Variants in SYT1 observed in about 807,000 individuals in gnomAD.
SYT1 encodes synaptotagmin 1.
In SYT1, 8 loss-of-function variants were observed where a neutral mutation model predicts 44.8. The observed-to-expected ratio is 0.18, with a 90% CI of 0.10 to 0.32. The LOEUF is 0.32. Ranked by LOEUF, SYT1 falls within the 10% of genes least tolerant of loss-of-function variation. The pLI is 1.00. For synonymous variants in SYT1, 154 were observed against 188.8 expected, an observed-to-expected ratio of 0.82 and a Z score of 1.51; for missense variants, 286 against 509.3, an observed-to-expected ratio of 0.56 and a Z score of 4.22.
intron 1 of SYT1, among the ~76,000 whole-genome samples, chr12:78,931,320 G>GA (rs1416998056): frequency 8.0e-4 from 17 of 21,332 alleles, no homozygotes; most frequent in Admixed American, 2.3e-3. Flanking sequence ...AGGGAGGGAG[G>GA]GAGGGAGGGA....
intron 3 of SYT1, among the ~76,000 whole-genome samples, chr12:79,123,378 A>G (rs1430845546): frequency 6.7e-6 from 1 of 149,708 alleles, no homozygotes; most frequent in African/African-American, 2.5e-5. Flanking sequence ...GAAATCAGGT[A>G]AGCAAGTCAC....
chr12:78,908,949 T>C (rs914756663), intron 1 of SYT1, among the ~76,000 whole-genome samples: 7 of 151,986 alleles, frequency 4.6e-5, no homozygotes, highest in Admixed American at 4.6e-4. Context: ...TATTAATATA[T>C]AATTAAGGCA....
intron 1 of SYT1, among the ~76,000 whole-genome samples, chr12:78,877,369 C>T (rs1403649044): frequency 2.0e-5 from 3 of 151,572 alleles, no homozygotes; most frequent in East Asian, 2.0e-4. Flanking sequence ...ATTCCGTTAC[C>T]TCCCACTCTG....
chr12:79,408,733 T>C (rs957853291), intron 9 of SYT1, among the ~76,000 whole-genome samples: 7 of 151,686 alleles, frequency 4.6e-5, no homozygotes, highest in Non-Finnish European at 7.4e-5. Context: ...TTCTTTCTTT[T>C]TTTTTTTTTT....
At chr12:79,282,560 A>G (rs1326241678) in intron 4 of SYT1, among the ~76,000 whole-genome samples, 1 of 152,150 alleles carries the variant, frequency 6.6e-6, no homozygotes, top group Non-Finnish European at 1.5e-5. Context: ...CAGTATTTTG[A>G]TGAGACTATT....
Position 78,915,991 on chromosome 12 carries a change from G to C in SYT1, c.-217+50882G>C, listed in dbSNP as rs1327382358. Among the ~76,000 whole-genome samples, 3 of 151,958 alleles carry C rather than the reference G, an allele frequency of 2.0e-5. No individual in the cohort carries two copies. The South Asian group carries it at 6.2e-4, about 32-fold the overall frequency. ...GTATTTAATTATGTTGTGTTGATAG[G>C]GATGATTTATTCTAGACTTTAATCG... On this transcript the variant is annotated intron_variant, in intron 1 of 10. Transcript: ENST00000261205.
At chr12:79,045,722 A>C (rs1459687670) in intron 2 of SYT1, 1 of 152,186 alleles carries the variant, frequency 6.6e-6, no homozygotes, top group African/African-American at 2.4e-5. Flanking sequence ...CTTGTGATAG[A>C]TATGCATGCA....
intron 9 of SYT1, among the ~76,000 whole-genome samples, chr12:79,385,946 G>T (rs1884418616): frequency 6.6e-6 from 1 of 152,094 alleles, no homozygotes; most frequent in African/African-American, 2.4e-5. Context: ...TAGTCAAAAG[G>T]AAAACAAACT....
chr12:79,030,973 C>T (rs1378923486), intron 2 of SYT1, among the ~76,000 whole-genome samples: 3 of 151,050 alleles, frequency 2.0e-5, no homozygotes, highest in Non-Finnish European at 4.5e-5. Context: ...ACCTCCAATG[C>T]GTACTCACTC....
At chr12:78,948,963 A>G (rs1412505806) in intron 1 of SYT1, among the ~76,000 whole-genome samples, 1 of 80,436 alleles carries the variant, frequency 1.2e-5, no homozygotes, top group African/African-American at 4.2e-5. Context: ...CTATTATATT[A>G]TATTATATTA....
chr12:79,012,278 G>T (rs1871464249), intron 2 of SYT1, among the ~76,000 whole-genome samples: 1 of 152,128 alleles, frequency 6.6e-6, no homozygotes, highest in Non-Finnish European at 1.5e-5. Context: ...TGGTTGAGGA[G>T]TAGACAGACC....
chr12:79,077,037 G>A (rs185965926), intron 3 of SYT1, among the ~76,000 whole-genome samples: 581 of 152,254 alleles, frequency 3.8e-3, no homozygotes, highest in Non-Finnish European at 6.0e-3. Flanking sequence ...ACAAAGTTCA[G>A]GTGTTTTAGT....
At chr12:79,276,091 G>T (rs1390886467) in intron 4 of SYT1, among the ~76,000 whole-genome samples, 2 of 151,894 alleles carry the variant, frequency 1.3e-5, no homozygotes, top group Non-Finnish European at 2.9e-5. Flanking sequence ...ATAATAAGAA[G>T]AAATATCCCC....
chr12:79,274,484 T>C (rs1226710053), intron 4 of SYT1, among the ~76,000 whole-genome samples: 1 of 152,118 alleles, frequency 6.6e-6, no homozygotes, highest in Non-Finnish European at 1.5e-5. Context: ...ATGGTTCCAC[T>C]CCTCTCTGGA....
At position 79,272,570 on chromosome 12, in the gene SYT1, T is replaced by C. The variant is rs150304222; in HGVS notation, c.167-13217T>C. 1.6e-4 allele frequency among the ~76,000 whole-genome samples: 24 copies of C among 152,090 alleles called. No individual in the cohort carries two copies. The East Asian group carries it at 4.6e-3, about 29-fold the overall frequency. On this transcript the variant is annotated intron_variant, in intron 4 of 10. Transcript: ENST00000261205. ...CCATGGAGCTGTTTTGGAGAACTGGTTTGGGAAGGAGATAAAGGATGCACA... is the reference window on the plus strand; with the variant it reads ...CCATGGAGCTGTTTTGGAGAACTGGCTTGGGAAGGAGATAAAGGATGCACA...
intron 3 of SYT1, among the ~76,000 whole-genome samples, chr12:79,139,359 C>G (rs953677223): frequency 6.6e-6 from 1 of 152,160 alleles, no homozygotes; most frequent in Non-Finnish European, 1.5e-5. Flanking sequence ...TAGATGAGCA[C>G]TGTCTGTTCC....
intron 3 of SYT1, among the ~76,000 whole-genome samples, chr12:79,203,740 A>G (rs1011763832): frequency 6.6e-6 from 1 of 152,136 alleles, no homozygotes; most frequent in African/African-American, 2.4e-5. Context: ...ATTTTTTCGT[A>G]GATTGTAGAT....
intron 1 of SYT1, among the ~76,000 whole-genome samples, chr12:78,911,352 T>C (rs1876314463): frequency 6.6e-6 from 1 of 151,812 alleles, no homozygotes. Flanking sequence ...AGAAAATAAT[T>C]TGTGTTTAGG....
intron 1 of SYT1, among the ~76,000 whole-genome samples, chr12:78,875,851 C>T (rs544676266): frequency 4.0e-5 from 6 of 151,728 alleles, no homozygotes; most frequent in South Asian, 2.1e-4. Context: ...GTTTTATCTT[C>T]GGAAGAGTAG....
Sources: allele counts gnomAD v4.1 joint callset (sites outside exome capture counted in the v4.1 genomes callset), GRCh38; gene constraint gnomAD v4.1.1; transcripts MANE v1.5; gene names NCBI Gene and HGNC (gene_info 2026-07-23, HGNC 2026-07-21).